Variants in LRRC1 observed in about 807,000 individuals in gnomAD.
LRRC1 encodes the protein leucine rich repeat containing 1, also known as leucine-rich repeat-containing protein 1.
LRRC1 carries 28 observed loss-of-function variants against 69.9 expected under a neutral mutation model. The ratio of observed to expected loss-of-function variants is 0.40; its 90% CI spans 0.30 to 0.55. The LOEUF (loss-of-function observed/expected upper bound fraction) is 0.55, where lower values mean the gene tolerates loss of function less well. Among genes scored for constraint, LRRC1 ranks in the 20% least tolerant of loss-of-function variants. LRRC1 has a pLI of 0.47. For synonymous variants in LRRC1, 236 were observed against 240.2 expected (o/e 0.98, Z 0.16); for missense variants, 498 against 609.0 (o/e 0.82, Z 1.92).
intron 2 of LRRC1, among the ~76,000 whole-genome samples, chr6:53,851,173 G>GACACAC (rs3222575): frequency 0.042 from 6,061 of 144,704 alleles, 143 homozygotes; most frequent in Non-Finnish European, 0.046. Flanking sequence ...GAACTAATAG[G>GACACAC]ACACACACAC....
intron 2 of LRRC1, among the ~76,000 whole-genome samples, chr6:53,867,167 A>G (rs1216071727): frequency 6.6e-6 from 1 of 152,002 alleles, no homozygotes; most frequent in Non-Finnish European, 1.5e-5. Context: ...GAGAATGGAG[A>G]TGATAGTAAT....
rs79510829 is a variant in LRRC1 at position 53,825,627 on chromosome 6, C to T, written c.160-16483C>T. On this transcript the variant is annotated intron_variant, in intron 1 of 13. Transcript: ENST00000370888. ...GACTTGGCTGTTCATGAGAGTCACC[C>T]GGAGAACTTTGTAAACTGAAATGCA... is the stretch of plus-strand genomic sequence containing the variant. Among the ~76,000 whole-genome samples, 1,376 of 152,180 alleles carry T rather than the reference C, an allele frequency of 9.0e-3. 24 individuals are homozygous for T. The highest frequency in any genetic ancestry group is 0.031 in the African/African-American group (1,290 of 41,530).
intron 3 of LRRC1, among the ~76,000 whole-genome samples, chr6:53,880,927 G>GT (rs971431845): frequency 5.9e-5 from 9 of 152,052 alleles, no homozygotes; most frequent in South Asian, 2.1e-4. Context: ...TTGCTGTTGG[G>GT]TTTTTTTTAA....
At position 53,795,396 on chromosome 6, in the gene LRRC1, A is replaced by T; in HGVS notation, c.140A>T (p.Gln47Leu). ...GAGGAGCTGCTGCTGGACGCCAACC[A>T]GCTCCGCGAGCTGCCCGAGGTAAGG... ...SLEELLLDAN[Q>L]LRELPEQFFQ... The change falls in exon 1 of 14, where the codon CAG (glutamine) becomes CTG (leucine). Residue 47 changes from glutamine to leucine, a missense_variant. Around this residue, in one of 3 missense-constraint regions of LRRC1, gnomAD observed 70 missense variants for 62.1 expected, o/e 1.13. Coordinates refer to ENST00000370888, the MANE Select transcript of LRRC1 (RefSeq NM_018214.5). The T allele has an allele frequency of 6.2e-7, 1 of 1,612,592 alleles. No individual in the cohort carries two copies. Among genetic ancestry groups the T allele is most frequent in the Non-Finnish European group, 8.5e-7 (1 of 1,179,848 alleles).
Position 53,809,051 on chromosome 6 carries a change from C to T in LRRC1, c.159+13636C>T, listed in dbSNP as rs138704883. Among the ~76,000 whole-genome samples the T allele has an allele frequency of 1.6e-4, 25 of 152,236 alleles. No homozygotes were observed. The East Asian group carries it at 3.3e-3, about 20-fold the overall frequency. ...TACATACTTAAAGTCAAAGCACATC[C>T]GTCTGGGAAAACAGTAGGAAGCTCT... On this transcript the variant is annotated intron_variant, in intron 1 of 13. Transcript: ENST00000370888.
intron 2 of LRRC1, among the ~76,000 whole-genome samples, chr6:53,876,375 T>A (rs140686583): frequency 1.3e-5 from 2 of 152,152 alleles, no homozygotes; most frequent in African/African-American, 4.8e-5. Flanking sequence ...AACCATATCA[T>A]TCTGCCCCTG....
chr6:53,882,053 T>C (rs1192099076), intron 3 of LRRC1, among the ~76,000 whole-genome samples: 1 of 152,016 alleles, frequency 6.6e-6, no homozygotes, highest in Non-Finnish European at 1.5e-5. Context: ...AAAAGAAAAA[T>C]GTTAAGAAAG....
chr6:53,886,639 C>T (rs1311761254), intron 4 of LRRC1, among the ~76,000 whole-genome samples: 1 of 152,162 alleles, frequency 6.6e-6, no homozygotes, highest in Non-Finnish European at 1.5e-5. Context: ...TTCATTCATT[C>T]ATTTTCCATC....
At chr6:53,824,212 T>C (rs999769645) in intron 1 of LRRC1, among the ~76,000 whole-genome samples, 2 of 152,176 alleles carry the variant, frequency 1.3e-5, no homozygotes, top group Non-Finnish European at 2.9e-5. Flanking sequence ...GGTCTCTTAT[T>C]ATTGTTTTAA....
At chr6:53,891,782 G>A (rs967368641) in intron 4 of LRRC1, among the ~76,000 whole-genome samples, 18 of 151,970 alleles carry the variant, frequency 1.2e-4, no homozygotes, top group African/African-American at 4.4e-4. Context: ...TCAGGAGATC[G>A]AGACCAGCCA....
At chr6:53,891,459 A>G (rs1767677133) in intron 4 of LRRC1, among the ~76,000 whole-genome samples, 1 of 152,058 alleles carries the variant, frequency 6.6e-6, no homozygotes, top group South Asian at 2.1e-4. Context: ...GACAAAAAAA[A>G]TCTGGTAAGT....
chr6:53,798,761 A>T lies in LRRC1; in HGVS notation c.159+3346A>T, dbSNP rs77031282. Among the ~76,000 whole-genome samples, 1,083 of 152,358 alleles carry T rather than the reference A, an allele frequency of 7.1e-3. 10 individuals are homozygous for T. Among genetic ancestry groups the T allele is most frequent in the African/African-American group, 0.024 (979 of 41,578 alleles). On this transcript the variant is annotated intron_variant, in intron 1 of 13. Transcript: ENST00000370888. ...AAACAGTTATTTATCTGTTGAATGA[A>T]TGTTGCCGAATCTTATAAAAATCTT... is the stretch of plus-strand genomic sequence containing the variant.
intron 13 of LRRC1, among the ~76,000 whole-genome samples, chr6:53,921,767 G>T (rs1768749930): frequency 6.6e-6 from 1 of 152,292 alleles, no homozygotes; most frequent in South Asian, 2.1e-4. Context: ...TATAGTCTTT[G>T]TTATTCCAGC....
rs770158754 is a variant in LRRC1, at chr6:53,922,753, A to G, written c.1535A>G (p.Glu512Gly). The G allele has an allele frequency of 6.2e-7, 1 of 1,614,120 alleles. No homozygotes were observed. The highest frequency in any genetic ancestry group is 1.6e-4 in the Middle Eastern group (1 of 6,062). Residue 512 changes from glutamate to glycine, a missense_variant, in exon 14 of 14, where the codon GAG (glutamate) becomes GGG (glycine). Coordinates refer to ENST00000370888, the MANE Select transcript of LRRC1 (RefSeq NM_018214.5). ...AAKGLDSNKNEVNHAIDRVTT... is the reference protein window; with the variant it reads ...AAKGLDSNKNGVNHAIDRVTT... ...AAAGGACTGGACTCAAACAAAAACG[A>G]GGTCAATCATGCCATTGACCGAGTG...
chr6:53,804,524 A>G (rs1177760459), intron 1 of LRRC1, among the ~76,000 whole-genome samples: 1 of 152,220 alleles, frequency 6.6e-6, no homozygotes, highest in Non-Finnish European at 1.5e-5. Flanking sequence ...TGTTCTTTTT[A>G]CTTAACACCA....
rs530909159 is a variant in LRRC1, at chr6:53,871,777, C to T, written c.278-7216C>T. 4.6e-5 allele frequency among the ~76,000 whole-genome samples: 7 copies of T among 152,308 alleles called. No individual in the cohort carries two copies. The East Asian group carries it at 1.3e-3, about 29-fold the overall frequency. ...CTGCCTCCCAGGTTCAAGCGATTCTCCCGCCTCAACCTCCTGAGTAGCCGG... is the reference window on the plus strand; with the variant it reads ...CTGCCTCCCAGGTTCAAGCGATTCTTCCGCCTCAACCTCCTGAGTAGCCGG... On this transcript the variant is annotated intron_variant, in intron 2 of 13. Coordinates refer to ENST00000370888, the MANE Select transcript of LRRC1 (RefSeq NM_018214.5).
At chr6:53,837,351 T>A (rs1241523894) in intron 1 of LRRC1, among the ~76,000 whole-genome samples, 1 of 152,162 alleles carries the variant, frequency 6.6e-6, no homozygotes, top group Non-Finnish European at 1.5e-5. Flanking sequence ...ACCTTGAGAT[T>A]AGAACTGTTG....
At chr6:53,802,928 T>C (rs943150367) in intron 1 of LRRC1, among the ~76,000 whole-genome samples, 8 of 152,312 alleles carry the variant, frequency 5.3e-5, no homozygotes, top group African/African-American at 1.4e-4. Flanking sequence ...AATGAAACTT[T>C]GTGAGAGTTG....
chr6:53,824,096 T>C (rs1167762786), intron 1 of LRRC1, among the ~76,000 whole-genome samples: 1 of 152,166 alleles, frequency 6.6e-6, no homozygotes, highest in African/African-American at 2.4e-5. Flanking sequence ...AACTTATTTA[T>C]ACTCCCACCA....
Sources: allele counts gnomAD v4.1 joint callset (sites outside exome capture counted in the v4.1 genomes callset), GRCh38; gene constraint gnomAD v4.1.1; regional missense constraint gnomAD v4.1.1; transcripts MANE v1.5; gene names NCBI Gene and HGNC (gene_info 2026-07-23, HGNC 2026-07-21).